The following SCRT2 variants were observed in gnomAD, a reference collection of about 807,000 sequenced individuals.
SCRT2 encodes the protein scratch family transcriptional repressor 2.
In SCRT2, 2 loss-of-function variants were observed where a neutral mutation model predicts 3.7. That is an observed-to-expected ratio of 0.54 (90% CI 0.22 to 1.70). The LOEUF (loss-of-function observed/expected upper bound fraction) is 1.70, where lower values mean the gene tolerates loss of function less well. Among genes scored for constraint, SCRT2 ranks in the 40% most tolerant of loss-of-function variants. The pLI is 0.19. For synonymous variants in SCRT2, 256 were observed against 220.6 expected, an observed-to-expected ratio of 1.16 and a Z score of -1.42; for missense variants, 456 against 468.5, an observed-to-expected ratio of 0.97 and a Z score of 0.25.
At chr20:672,429 G>A (rs1323609351) in intron 1 of SCRT2, among the ~76,000 whole-genome samples, 3 of 151,492 alleles carry the variant, frequency 2.0e-5, no homozygotes, top group East Asian at 3.9e-4. Flanking sequence ...GTGTGCGCGC[G>A]TGCGTGTGTG....
At chr20:674,848 C>G (rs939344589) in intron 1 of SCRT2, among the ~76,000 whole-genome samples, 11 of 152,144 alleles carry the variant, frequency 7.2e-5, no homozygotes, top group Admixed American at 5.2e-4. Flanking sequence ...TTTGGGGGAA[C>G]CCCTCCCAGA....
chr20:661,869 AGCAAAG>A lies in SCRT2; in HGVS notation c.*1796_*1801del. 1 of 152,710 alleles carries A rather than the reference AGCAAAG, an allele frequency of 6.5e-6. No homozygotes were observed. The highest frequency in any genetic ancestry group is 1.9e-4 in the East Asian group (1 of 5,164). The allele number at this position is 152,710 out of a possible 1,614,324, so 9.5% of individuals were successfully genotyped here. On this transcript the variant is annotated 3_prime_UTR_variant, in exon 2 of 2. Transcript: ENST00000246104. ...TCCCTTCCCGCTGGGCCTGGAGCTG[AGCAAAG>A]GCCCATTCACCCCTCTGGAGCCCTA...
chr20:664,182 G>T lies in SCRT2; in HGVS notation c.413C>A (p.Ala138Asp). 3 of 1,058,276 alleles carry T rather than the reference G, an allele frequency of 2.8e-6. No individual in the cohort carries two copies. Among genetic ancestry groups the T allele is most frequent in the Non-Finnish European group, 2.3e-6 (2 of 878,648 alleles). The allele number at this position is 1,058,276 out of a possible 1,614,324, so 65.6% of individuals were successfully genotyped here. ...CCCCGCGCGCCCCGCGCGCCCCCCGGCGCCCCCCGCGTCTCCCGAGCCCCC... is the reference window on the plus strand; with the variant it reads ...CCCCGCGCGCCCCGCGCGCCCCCCGTCGCCCCCCGCGTCTCCCGAGCCCCC... ...DAGGSGDAGG[A>D]GGRAGRAGAQ... The change falls in exon 2 of 2, where the codon GCC becomes GAC. Residue 138 changes from alanine (A) to aspartate (D), a missense_variant. Coordinates refer to ENST00000246104, the MANE Select transcript of SCRT2 (RefSeq NM_033129.4). This position sits in a 1 kb window ranked among gnomAD's most constrained non-coding sequence, Gnocchi z 7.9.
chr20:672,820 A>G (rs1984388491), intron 1 of SCRT2, among the ~76,000 whole-genome samples: 1 of 145,628 alleles, frequency 6.9e-6, no homozygotes, highest in African/African-American at 2.5e-5. Context: ...TTTACCCAGC[A>G]CACTTACACA....
At chr20:673,204 C>T (rs538579415) in intron 1 of SCRT2, among the ~76,000 whole-genome samples, 2 of 152,308 alleles carry the variant, frequency 1.3e-5, no homozygotes, top group South Asian at 2.1e-4. Flanking sequence ...CCAGAAATGC[C>T]GCTACCCTCA....
In SCRT2 at chr20:670,802, C is replaced by T. The variant is rs374477554; in HGVS notation, c.133+4667G>A. Among the ~76,000 whole-genome samples the T allele has an allele frequency of 2.6e-5, 4 of 152,164 alleles. No homozygotes were observed. In the East Asian group the frequency reaches 7.7e-4, roughly 29 times the overall value. Reference sequence around the variant, plus strand: ...TAAAGTGTGGAAGCTCAGCTCAGGACCCTCACGTCCCTCTCGTAACCCCAG... The same window carrying T: ...TAAAGTGTGGAAGCTCAGCTCAGGATCCTCACGTCCCTCTCGTAACCCCAG... On this transcript the variant is annotated intron_variant, in intron 1 of 1. Coordinates refer to ENST00000246104, the MANE Select transcript of SCRT2 (RefSeq NM_033129.4).
Position 663,108 on chromosome 20 carries a change from A to T in SCRT2, c.*563T>A, listed in dbSNP as rs1039726682. On this transcript the variant is annotated 3_prime_UTR_variant, in exon 2 of 2. Transcript: ENST00000246104. The surrounding 1 kb of genome is among the most constrained non-coding windows in gnomAD (Gnocchi z 6.9). ...AGAAGGGTGAAGATTAGATCCCCAG[A>T]TGGACACACTCTGGGAGATTCAGCA... is the stretch of plus-strand genomic sequence containing the variant. 6 of 152,858 alleles carry T rather than the reference A, an allele frequency of 3.9e-5. No individual in the cohort carries two copies. Among genetic ancestry groups the T allele is most frequent in the African/African-American group, 1.4e-4 (6 of 41,408 alleles). The allele number at this position is 152,858 out of a possible 1,614,324, so 9.5% of individuals were successfully genotyped here.
intron 1 of SCRT2, among the ~76,000 whole-genome samples, chr20:674,147 A>G (rs1223689093): frequency 6.6e-6 from 1 of 151,978 alleles, no homozygotes; most frequent in Non-Finnish European, 1.5e-5. Context: ...ATCACTCTGT[A>G]ACTTCTTTGA....
intron 1 of SCRT2, among the ~76,000 whole-genome samples, chr20:674,416 C>CAT (rs1237809748): frequency 6.8e-6 from 1 of 146,996 alleles, no homozygotes; most frequent in Non-Finnish European, 1.5e-5. Flanking sequence ...CACACACACA[C>CAT]ACACACACAC....
chr20:672,388 CGTGT>C (rs6147265), intron 1 of SCRT2, among the ~76,000 whole-genome samples: 8,086 of 147,048 alleles, frequency 0.055, 348 homozygotes, highest in African/African-American at 0.12. Flanking sequence ...GAGCATTGCT[CGTGT>C]GTGTGTGTGT....
chr20:668,853 G>A (rs1407729776), intron 1 of SCRT2, among the ~76,000 whole-genome samples: 1 of 152,204 alleles, frequency 6.6e-6, no homozygotes, highest in Non-Finnish European at 1.5e-5. Context: ...GGGGATGGAG[G>A]GGGATGTGTA....
Position 663,504 on chromosome 20 carries a change from T to G in SCRT2, c.*167A>C. 1.6e-5 allele frequency: 8 copies of G among 507,884 alleles called. No homozygotes were observed. The highest frequency in any genetic ancestry group is 2.1e-5 in the Non-Finnish European group (7 of 328,560). The allele number at this position is 507,884 out of a possible 1,614,324, so 31.5% of individuals were successfully genotyped here. On this transcript the variant is annotated 3_prime_UTR_variant, in exon 2 of 2. Coordinates refer to ENST00000246104, the MANE Select transcript of SCRT2 (RefSeq NM_033129.4). The surrounding 1 kb of genome is among the most constrained non-coding windows in gnomAD (Gnocchi z 6.9). ...GGGAAGACGGTGTGGAAGTGAGTCG[T>G]GGGTTTGGGGGTTGGGGAGAAAAGT... is the stretch of plus-strand genomic sequence containing the variant.
At position 664,361 on chromosome 20, in the gene SCRT2, C is replaced by T. The variant is rs774290369; in HGVS notation, c.234G>A (p.Pro78=). The T allele has an allele frequency of 6.1e-5, 89 of 1,452,290 alleles. No individual in the cohort carries two copies. The South Asian group carries it at 8.5e-4, about 14-fold the overall frequency. 90.0% of individuals were successfully genotyped at this position (1,452,290 alleles called of 1,614,324 possible). Residue 78 remains proline (P), a synonymous_variant, in exon 2 of 2, where the codon CCG becomes CCA. Transcript: ENST00000246104. The surrounding 1 kb of genome is among the most constrained non-coding windows in gnomAD (Gnocchi z 7.9). ...PAEPAYPPAA[P]EEYSDPESPQ... is the part of the protein sequence containing the mutation. The stretch of plus-strand genomic sequence containing the variant: ...GGCTTTCGGGGTCGCTGTACTCCTC[C>T]GGCGCCGCCGGCGGGTACGCGGGCT...
chr20:675,482 AG>A lies in SCRT2; in HGVS notation c.119del (p.Pro40LeufsTer63). On this transcript the variant is annotated frameshift_variant, in exon 1 of 2. Transcript: ENST00000246104. LOFTEE classifies it low-confidence loss of function (END_TRUNC). The surrounding 1 kb of genome is among the most constrained non-coding windows in gnomAD (Gnocchi z 6.9). ...GGTCCCACTCACCGTTGTCCCCGGGAGGCCCCCGGGCGCCAGGCAGCACGTA... is the reference window on the plus strand; with the variant it reads ...GGTCCCACTCACCGTTGTCCCCGGGAGCCCCCGGGCGCCAGGCAGCACGTA... The part of the protein sequence containing the change: ...TAYVLPGARG[P>X]PGDNGYAPHR... 1 of 1,350,528 alleles carries A rather than the reference AG, an allele frequency of 7.4e-7. No homozygotes were observed. The highest frequency in any genetic ancestry group is 1.5e-5 in the African/African-American group (1 of 66,766). 83.7% of individuals were successfully genotyped at this position (1,350,528 alleles called of 1,614,324 possible). A position where few individuals can be genotyped will look rare whatever the true frequency, so the allele number is the denominator to read the frequency against.
intron 1 of SCRT2, among the ~76,000 whole-genome samples, chr20:674,707 G>A: frequency 1.1e-5 from 1 of 93,564 alleles, no homozygotes. Flanking sequence ...GTGTGTGTGT[G>A]TGTGTGTGTG....
Position 675,484 on chromosome 20 carries a change from G to GC in SCRT2, c.117dup (p.Pro40AlafsTer350). 7.4e-7 allele frequency: 1 copy of GC among 1,358,008 alleles called. No individual in the cohort carries two copies. 84.1% of individuals were successfully genotyped at this position (1,358,008 alleles called of 1,614,324 possible). On this transcript the variant is annotated frameshift_variant, in exon 1 of 2. Transcript: ENST00000246104. LOFTEE classifies it low-confidence loss of function (END_TRUNC). This position sits in a 1 kb window ranked among gnomAD's most constrained non-coding sequence, Gnocchi z 6.9. ...TCCCACTCACCGTTGTCCCCGGGAG[G>GC]CCCCCGGGCGCCAGGCAGCACGTAG...
chr20:673,426 A>G (rs1984409353), intron 1 of SCRT2, among the ~76,000 whole-genome samples: 1 of 152,208 alleles, frequency 6.6e-6, no homozygotes, highest in Admixed American at 6.5e-5. Context: ...AAGGGAAGGC[A>G]CTTGCCCAAG....
intron 1 of SCRT2, among the ~76,000 whole-genome samples, chr20:673,807 G>C (rs1015692667): frequency 6.6e-6 from 1 of 152,200 alleles, no homozygotes; most frequent in Non-Finnish European, 1.5e-5. Flanking sequence ...CCTGGGGACA[G>C]GACCAACGGG....
chr20:672,432 CGT>C (rs1270906486), intron 1 of SCRT2, among the ~76,000 whole-genome samples: 1 of 149,156 alleles, frequency 6.7e-6, no homozygotes, highest in Non-Finnish European at 1.5e-5. Context: ...TGCGCGCGTG[CGT>C]GTGTGTGTAT....
Sources: allele counts gnomAD v4.1 joint callset (sites outside exome capture counted in the v4.1 genomes callset), GRCh38; gene constraint gnomAD v4.1.1; non-coding constraint Gnocchi (gnomAD v3.1); transcripts MANE v1.5; gene names NCBI Gene and HGNC (gene_info 2026-07-23, HGNC 2026-07-21).